NALF1: variants seen among roughly 807,000 people sequenced by gnomAD.
NALF1 encodes family with sequence similarity 155 member A.
Under a neutral mutation model 48.4 loss-of-function variants are expected in NALF1, and 3 were observed. The observed-to-expected ratio is 0.06, with a 90% CI of 0.03 to 0.16. The LOEUF is 0.16. Ranked by LOEUF, NALF1 falls within the 10% of genes least tolerant of loss-of-function variation. The pLI is 1.00. For synonymous variants in NALF1, 262 were observed against 245.7 expected, an observed-to-expected ratio of 1.07 and a Z score of -0.62; for missense variants, 526 against 571.5, an observed-to-expected ratio of 0.92 and a Z score of 0.81.
chr13:107,795,958 A>G (rs1326610709), intron 1 of NALF1, among the ~76,000 whole-genome samples: 1 of 152,126 alleles, frequency 6.6e-6, no homozygotes, highest in African/African-American at 2.4e-5. Flanking sequence ...AAAATCACCT[A>G]TCACAGCAGA....
chr13:107,182,037 C>A (rs1879073554), intron 2 of NALF1, among the ~76,000 whole-genome samples: 1 of 151,726 alleles, frequency 6.6e-6, no homozygotes. Flanking sequence ...GTATCACATT[C>A]TTTATCTAAG....
At chr13:107,428,047 T>C (rs962503712) in intron 1 of NALF1, among the ~76,000 whole-genome samples, 3 of 152,054 alleles carry the variant, frequency 2.0e-5, no homozygotes, top group Non-Finnish European at 4.4e-5. Flanking sequence ...GAAGAAGCAA[T>C]TGAAATTGGT....
intron 1 of NALF1, among the ~76,000 whole-genome samples, chr13:107,685,091 G>T (rs1881402659): frequency 6.6e-6 from 1 of 152,182 alleles, no homozygotes; most frequent in South Asian, 2.1e-4. Flanking sequence ...AAGGCAGGCG[G>T]ATCAGGAGGT....
chr13:107,695,055 C>T (rs1482390153), intron 1 of NALF1, among the ~76,000 whole-genome samples: 7 of 152,220 alleles, frequency 4.6e-5, no homozygotes, highest in African/African-American at 1.4e-4. Context: ...GGCCTCCCAA[C>T]ACGCTGGGAT....
chr13:107,545,745 G>A (rs558839972), intron 1 of NALF1, among the ~76,000 whole-genome samples: 1 of 152,196 alleles, frequency 6.6e-6, no homozygotes. Context: ...GTGTGGGGTG[G>A]AAACAGGCAA....
At chr13:107,662,372 A>G (rs11838444) in intron 1 of NALF1, among the ~76,000 whole-genome samples, 7,170 of 152,294 alleles carry the variant, frequency 0.047, 577 homozygotes, top group African/African-American at 0.16. Context: ...AGCAGCCAAT[A>G]AAGTATATCA....
intron 1 of NALF1, among the ~76,000 whole-genome samples, chr13:107,785,651 C>G (rs936244038): frequency 1.1e-4 from 17 of 152,114 alleles, no homozygotes; most frequent in African/African-American, 4.1e-4. Context: ...CAGTAAATAA[C>G]TTACTCATGT....
chr13:107,784,867 A>G (rs1315308033), intron 1 of NALF1, among the ~76,000 whole-genome samples: 1 of 152,150 alleles, frequency 6.6e-6, no homozygotes, highest in African/African-American at 2.4e-5. Context: ...CTAAAAGTAG[A>G]ACTACCATTT....
chr13:107,223,957 G>C (rs935519501), intron 1 of NALF1, among the ~76,000 whole-genome samples: 1 of 151,908 alleles, frequency 6.6e-6, no homozygotes, highest in Admixed American at 6.6e-5. Flanking sequence ...CATACCATCA[G>C]AAATATGTTT....
chr13:107,555,067 C>T (rs1035853248), intron 1 of NALF1, among the ~76,000 whole-genome samples: 1 of 152,028 alleles, frequency 6.6e-6, no homozygotes, highest in Admixed American at 6.6e-5. Flanking sequence ...TTGGAGTGAT[C>T]ATTGCAATTC....
rs1594156172 is a variant in NALF1 at position 107,400,870 on chromosome 13, G to A, written c.916-190115C>T. Among the ~76,000 whole-genome samples, 7 of 152,056 alleles carry A rather than the reference G, an allele frequency of 4.6e-5. No individual in the cohort carries two copies. In the South Asian group the frequency reaches 1.5e-3, roughly 32 times the overall value. ...CCTTCATATATCACTGGGCTCAAAA[G>A]CAATTCACTGGGCCAGTTTAGATGA... On this transcript the variant is annotated intron_variant, in intron 1 of 2. Coordinates refer to ENST00000375915, the MANE Select transcript of NALF1 (RefSeq NM_001080396.3).
At chr13:107,339,392 C>T (rs1353632579) in intron 1 of NALF1, among the ~76,000 whole-genome samples, 2 of 151,966 alleles carry the variant, frequency 1.3e-5, no homozygotes, top group East Asian at 1.9e-4. Flanking sequence ...ATTTAATGCA[C>T]GTGTGAGTCA....
At chr13:107,462,992 C>T (rs1355429511) in intron 1 of NALF1, among the ~76,000 whole-genome samples, 5 of 152,162 alleles carry the variant, frequency 3.3e-5, no homozygotes, top group African/African-American at 7.2e-5. Flanking sequence ...TCTTGGGGAA[C>T]CCGGACACAC....
At chr13:107,221,585 A>T (rs1465086294) in intron 1 of NALF1, among the ~76,000 whole-genome samples, 1 of 152,188 alleles carries the variant, frequency 6.6e-6, no homozygotes, top group East Asian at 1.9e-4. Flanking sequence ...GTCTCAAAAA[A>T]TAAAAAGTAA....
intron 1 of NALF1, among the ~76,000 whole-genome samples, chr13:107,395,140 A>G (rs1352823578): frequency 6.6e-6 from 1 of 152,178 alleles, no homozygotes; most frequent in Non-Finnish European, 1.5e-5. Context: ...TCCAGACAAT[A>G]ATAACTCATC....
At chr13:107,697,356 CTAATTTAAGTGAAAAAAAATCAAT>C (rs1234173875) in intron 1 of NALF1, among the ~76,000 whole-genome samples, 2 of 151,976 alleles carry the variant, frequency 1.3e-5, no homozygotes, top group African/African-American at 4.8e-5. Context: ...TGCCAAGTAT[CTAATTTAAGTGAAAAAAAATCAAT>C]TCCAAGGGTT....
intron 1 of NALF1, among the ~76,000 whole-genome samples, chr13:107,663,974 A>G (rs995986638): frequency 1.3e-5 from 2 of 152,092 alleles, no homozygotes; most frequent in Non-Finnish European, 2.9e-5. Context: ...TTCAGACATC[A>G]TCTGTGTGCT....
intron 1 of NALF1, among the ~76,000 whole-genome samples, chr13:107,337,695 A>T (rs1050245004): frequency 6.6e-6 from 1 of 152,174 alleles, no homozygotes; most frequent in African/African-American, 2.4e-5. Flanking sequence ...TTGCACACAG[A>T]AAAGAGTTAA....
intron 1 of NALF1, among the ~76,000 whole-genome samples, chr13:107,457,072 A>C (rs908608246): frequency 6.6e-6 from 1 of 152,160 alleles, no homozygotes; most frequent in Non-Finnish European, 1.5e-5. Context: ...AAAAAATTCT[A>C]AGGTTTAGAT....
Sources: gnomAD v4.1 joint callset for allele counts (sites outside exome capture counted in the v4.1 genomes callset) on GRCh38, gnomAD v4.1.1 for gene constraint, MANE v1.5 for transcripts, NCBI Gene and HGNC (gene_info 2026-07-23, HGNC 2026-07-21) for gene names.